The following RSRC1 variants were observed in gnomAD, a reference collection of about 807,000 sequenced individuals.
RSRC1 encodes the protein serine/Arginine-related protein 53.
A neutral mutation model predicts 49.1 loss-of-function variants in RSRC1; 39 were observed. The ratio of observed to expected loss-of-function variants is 0.79; its 90% CI spans 0.61 to 1.04. The LOEUF (loss-of-function observed/expected upper bound fraction) is 1.04. RSRC1 is among the 50% of genes least tolerant of loss of function. The pLI is 0.00. For synonymous variants in RSRC1, 143 were observed against 130.8 expected (o/e 1.09, Z -0.63); for missense variants, 388 against 402.4 (o/e 0.96, Z 0.31).
intron 6 of RSRC1, among the ~76,000 whole-genome samples, chr3:158,429,084 G>C (rs1165045065): frequency 6.6e-6 from 1 of 151,834 alleles, no homozygotes; most frequent in Non-Finnish European, 1.5e-5. Context: ...AGCTAGTTCT[G>C]CAGTGTTGAT....
rs1736800065 is a variant in RSRC1, at chr3:158,447,773, AAAG to A, written c.584-13159_584-13157del. 2.0e-5 allele frequency among the ~76,000 whole-genome samples: 3 copies of A among 151,958 alleles called. 1 individual carries two copies. In the South Asian group the frequency reaches 6.2e-4, roughly 31 times the overall value. ...AAAATATGTAATTCTGTTTTTAAGA[AAAG>A]AAACACCCTTTTTAATGCAATAATA... On this transcript the variant is annotated intron_variant, in intron 6 of 9. Transcript: ENST00000611884.
At chr3:158,245,316 A>T (rs533333172) in intron 4 of RSRC1, among the ~76,000 whole-genome samples, 29 of 152,182 alleles carry the variant, frequency 1.9e-4, no homozygotes, top group African/African-American at 7.0e-4. Flanking sequence ...TCCAGCTTCC[A>T]TGTACTTGTA....
At chr3:158,179,702 G>A (rs1425057300) in intron 3 of RSRC1, among the ~76,000 whole-genome samples, 1 of 152,092 alleles carries the variant, frequency 6.6e-6, no homozygotes, top group Non-Finnish European at 1.5e-5. Flanking sequence ...GATAATGCAT[G>A]TATAGGTTTT....
intron 6 of RSRC1, among the ~76,000 whole-genome samples, chr3:158,421,145 A>G (rs1368800077): frequency 6.6e-6 from 1 of 151,908 alleles, no homozygotes; most frequent in Non-Finnish European, 1.5e-5. Context: ...CAAGTTAGTC[A>G]TATTAGAACC....
intron 7 of RSRC1, among the ~76,000 whole-genome samples, chr3:158,486,930 A>ACTGGAT (rs1738837206): frequency 6.6e-6 from 1 of 152,134 alleles, no homozygotes; most frequent in South Asian, 2.1e-4. Context: ...CCACACAGCA[A>ACTGGAT]CTGGATCTGG....
intron 6 of RSRC1, among the ~76,000 whole-genome samples, chr3:158,429,066 C>T (rs1031682904): frequency 2.0e-5 from 3 of 151,808 alleles, no homozygotes; most frequent in African/African-American, 7.2e-5. Flanking sequence ...GGGAGCAGCG[C>T]CCTAGCAAGC....
At chr3:158,386,991 T>G (rs1017283012) in intron 6 of RSRC1, among the ~76,000 whole-genome samples, 1 of 152,068 alleles carries the variant, frequency 6.6e-6, no homozygotes, top group Admixed American at 6.5e-5. Flanking sequence ...GTACATACCA[T>G]TTCTTGTTTT....
chr3:158,124,821 T>G (rs1715513149), intron 3 of RSRC1, among the ~76,000 whole-genome samples: 1 of 13,754 alleles, frequency 7.3e-5, no homozygotes, highest in African/African-American at 6.0e-4. Flanking sequence ...TCTTTCTTTC[T>G]TTTTTTTTTT....
chr3:158,178,409 G>A (rs1329998707), intron 3 of RSRC1, among the ~76,000 whole-genome samples: 1 of 152,158 alleles, frequency 6.6e-6, no homozygotes, highest in East Asian at 1.9e-4. Flanking sequence ...AGAGTGCTGG[G>A]ATTACAGGCA....
At chr3:158,249,759 G>A (rs745440404) in intron 4 of RSRC1, among the ~76,000 whole-genome samples, 32 of 152,004 alleles carry the variant, frequency 2.1e-4, no homozygotes, top group East Asian at 1.9e-4. Context: ...TATATAAAGC[G>A]TAATAATCAC....
chr3:158,355,048 T>C, intron 6 of RSRC1, 140 bp downstream of exon 6: 1 of 495,074 alleles, frequency 2.0e-6, no homozygotes, highest in Non-Finnish European at 3.5e-6. Flanking sequence ...ATTATATGTA[T>C]GGCCATATAT....
chr3:158,200,577 G>T (rs1486669439), intron 3 of RSRC1, among the ~76,000 whole-genome samples: 1 of 151,466 alleles, frequency 6.6e-6, no homozygotes, highest in East Asian at 1.9e-4. Context: ...TTCCTTTCCA[G>T]CTTCCTTTTG....
intron 3 of RSRC1, among the ~76,000 whole-genome samples, chr3:158,176,203 TA>T (rs1417631052): frequency 2.0e-5 from 3 of 152,096 alleles, no homozygotes. Context: ...GAGGAATCAA[TA>T]TCGTGAAAAT....
intron 4 of RSRC1, among the ~76,000 whole-genome samples, chr3:158,220,590 T>C (rs1470575970): frequency 2.0e-5 from 3 of 151,654 alleles, no homozygotes; most frequent in Non-Finnish European, 4.4e-5. Context: ...AGTTTATTTT[T>C]ATGTGATTGC....
intron 7 of RSRC1, among the ~76,000 whole-genome samples, chr3:158,503,071 A>G (rs775109027): frequency 1.7e-4 from 26 of 152,108 alleles, no homozygotes; most frequent in Non-Finnish European, 3.1e-4. Flanking sequence ...CTTTTATTCC[A>G]TGGGGTGTTC....
At chr3:158,529,214 GTATATATA>G (rs10596761) in intron 7 of RSRC1, among the ~76,000 whole-genome samples, 1 of 143,124 alleles carries the variant, frequency 7.0e-6, no homozygotes, top group Non-Finnish European at 1.5e-5. Context: ...ATGTGTGTGT[GTATATATA>G]TATATATATA....
intron 6 of RSRC1, among the ~76,000 whole-genome samples, chr3:158,377,791 C>CTG (rs1732455952): frequency 6.6e-6 from 1 of 152,138 alleles, no homozygotes; most frequent in African/African-American, 2.4e-5. Flanking sequence ...TCCCGAGTAG[C>CTG]TGAGATTGCA....
intron 5 of RSRC1, among the ~76,000 whole-genome samples, chr3:158,327,252 T>G (rs1461080375): frequency 6.6e-6 from 1 of 152,188 alleles, no homozygotes; most frequent in Non-Finnish European, 1.5e-5. Flanking sequence ...TCTCTGATCT[T>G]GGTTATTTCT....
chr3:158,497,384 TTCTATCCCTTGCCCCCC>T (rs1182191320), intron 7 of RSRC1, among the ~76,000 whole-genome samples: 1 of 151,660 alleles, frequency 6.6e-6, no homozygotes, highest in Non-Finnish European at 1.5e-5. Flanking sequence ...ATTTGTAGTC[TTCTATCCCTTGCCCCCC>T]TCCCACTCTT....
Sources: gnomAD v4.1 joint callset for allele counts (sites outside exome capture counted in the v4.1 genomes callset) on GRCh38, gnomAD v4.1.1 for gene constraint, MANE v1.5 for transcripts, NCBI Gene and HGNC (gene_info 2026-07-23, HGNC 2026-07-21) for gene names.